The following SLC39A11 variants were observed in gnomAD, a reference collection of about 807,000 sequenced individuals.
SLC39A11 encodes the protein solute carrier family 39 member 11, also known as zinc transporter ZIP11.
SLC39A11 carries 33 observed loss-of-function variants against 36.1 expected under a neutral mutation model. That is an observed-to-expected ratio of 0.91 (90% CI 0.69 to 1.22). The LOEUF is 1.22. SLC39A11 is among the 50% of genes most tolerant of loss of function. The pLI, the probability that SLC39A11 is intolerant of heterozygous loss-of-function variation, is 0.00. For missense variants in SLC39A11, 432 were observed against 430.3 expected (o/e 1.00, Z -0.03); for synonymous variants, 166 against 170.3 (o/e 0.97, Z 0.20).
At chr17:72,670,212 C>CACACACAT (rs1300718493) in intron 7 of SLC39A11, among the ~76,000 whole-genome samples, 1 of 125,214 alleles carries the variant, frequency 8.0e-6, no homozygotes, top group South Asian at 2.9e-4. Context: ...CACACACACA[C>CACACACAT]ATATATATAT....
intron 6 of SLC39A11, among the ~76,000 whole-genome samples, chr17:72,762,324 G>A (rs1393145393): frequency 1.3e-5 from 2 of 152,196 alleles, no homozygotes; most frequent in Non-Finnish European, 2.9e-5. Context: ...CGTCCTCACT[G>A]CTTATTATAT....
At chr17:72,800,468 G>A (rs945440710) in intron 6 of SLC39A11, among the ~76,000 whole-genome samples, 8 of 151,804 alleles carry the variant, frequency 5.3e-5, no homozygotes, top group African/African-American at 1.7e-4. Flanking sequence ...ACACCACCAC[G>A]CCCAGCTAAT....
At chr17:72,799,670 T>C (rs373286541) in intron 6 of SLC39A11, among the ~76,000 whole-genome samples, 9 of 152,212 alleles carry the variant, frequency 5.9e-5, no homozygotes, top group African/African-American at 2.2e-4. Flanking sequence ...CCCTCAGGCT[T>C]ACTAGGGTGG....
At chr17:72,776,450 GTTAT>G (rs1467911436) in intron 6 of SLC39A11, among the ~76,000 whole-genome samples, 1 of 151,944 alleles carries the variant, frequency 6.6e-6, no homozygotes, top group African/African-American at 2.4e-5. Context: ...ACTTATCTGT[GTTAT>G]TTTAGTTTTG....
chr17:73,037,079 C>G (rs892242978), intron 3 of SLC39A11, among the ~76,000 whole-genome samples: 1 of 152,180 alleles, frequency 6.6e-6, no homozygotes, highest in Non-Finnish European at 1.5e-5. Flanking sequence ...CCTTTTAGCA[C>G]TGGATAATAT....
intron 7 of SLC39A11, among the ~76,000 whole-genome samples, chr17:72,707,165 T>C (rs974292268): frequency 4.6e-5 from 7 of 152,164 alleles, no homozygotes; most frequent in African/African-American, 1.7e-4. Flanking sequence ...TTTGGGAGGC[T>C]GAAGCAGGAG....
rs113260397 is a variant in SLC39A11, at chr17:72,812,780, C to T, written c.601+36854G>A. Among the ~76,000 whole-genome samples, 1,339 of 152,282 alleles carry T rather than the reference C, an allele frequency of 8.8e-3. 16 individuals carry two copies. The highest frequency in any genetic ancestry group is 0.031 in the African/African-American group (1,273 of 41,556). On this transcript the variant is annotated intron_variant, in intron 6 of 9. Transcript: ENST00000255559. ...AGCAAGTTCGTTCTTGTAACTCCCT[C>T]TTGTGTATAAATATCTCGATGTCAT...
intron 7 of SLC39A11, among the ~76,000 whole-genome samples, chr17:72,673,475 T>A (rs1199366427): frequency 1.3e-5 from 2 of 152,198 alleles, no homozygotes; most frequent in Non-Finnish European, 2.9e-5. Context: ...ATCTTATTTA[T>A]TTAATCATAG....
intron 6 of SLC39A11, among the ~76,000 whole-genome samples, chr17:72,845,176 C>A (rs1444849540): frequency 1.3e-5 from 2 of 152,238 alleles, no homozygotes; most frequent in Non-Finnish European, 2.9e-5. Context: ...GAGAAACAAA[C>A]TTTCAAAGCT....
rs572350019 is a variant in SLC39A11, at chr17:72,978,897, G to A, written c.307-31022C>T. ...GCCTTCAGCCCTGGGATACAAAGAA[G>A]GATGAGGTCTGGGTCTTGCTTTCAA... On this transcript the variant is annotated intron_variant, in intron 4 of 9. Transcript: ENST00000255559. Among the ~76,000 whole-genome samples, 30 of 152,294 alleles carry A rather than the reference G, an allele frequency of 2.0e-4. No individual in the cohort carries two copies. The East Asian group carries it at 5.2e-3, about 26-fold the overall frequency.
At chr17:72,817,151 C>A (rs936200513) in intron 6 of SLC39A11, among the ~76,000 whole-genome samples, 3 of 151,976 alleles carry the variant, frequency 2.0e-5, no homozygotes, top group African/African-American at 7.2e-5. Context: ...ATTTATTTGG[C>A]CAATGGTTCT....
chr17:72,851,882 A>T (rs973074678), intron 5 of SLC39A11, among the ~76,000 whole-genome samples: 8 of 152,156 alleles, frequency 5.3e-5, no homozygotes, highest in Non-Finnish European at 1.5e-5. Flanking sequence ...AAATTTAAAA[A>T]CATTAGAAGA....
At chr17:72,817,069 T>C (rs2077606287) in intron 6 of SLC39A11, among the ~76,000 whole-genome samples, 1 of 150,304 alleles carries the variant, frequency 6.7e-6, no homozygotes, top group South Asian at 2.1e-4. Flanking sequence ...TAAGAACAGG[T>C]TGTGTCTCAG....
intron 7 of SLC39A11, chr17:72,712,763 C>A (rs1010714176): frequency 1.3e-5 from 2 of 152,250 alleles, no homozygotes; most frequent in South Asian, 4.1e-4. Flanking sequence ...TTTTACTAGA[C>A]AACAGAGTGA....
At chr17:72,969,610 TTCTCTCTC>T (rs3037588) in intron 4 of SLC39A11, among the ~76,000 whole-genome samples, 126,655 of 151,074 alleles carry the variant, frequency 0.84, 54,410 homozygotes, top group South Asian at 0.94. Flanking sequence ...TTCCCCATCT[TTCTCTCTC>T]TCTCTCTCAC....
At chr17:72,868,547 T>A (rs1840473636) in intron 5 of SLC39A11, among the ~76,000 whole-genome samples, 1 of 129,128 alleles carries the variant, frequency 7.7e-6, no homozygotes, top group Non-Finnish European at 1.5e-5. Flanking sequence ...TTTGAGAGGC[T>A]AAGTCAGGAG....
At chr17:72,649,614 G>A (rs1328312188) in intron 7 of SLC39A11, among the ~76,000 whole-genome samples, 3 of 151,404 alleles carry the variant, frequency 2.0e-5, no homozygotes, top group Non-Finnish European at 2.9e-5. Context: ...TACTTTCTAC[G>A]CCTCTGTTTC....
At chr17:72,736,563 G>A in intron 7 of SLC39A11, 87 bp downstream of exon 7, 1 of 1,152,168 alleles carries the variant, frequency 8.7e-7, no homozygotes. Flanking sequence ...GAACAATAAT[G>A]CACAGACAGC....
intron 7 of SLC39A11, among the ~76,000 whole-genome samples, chr17:72,649,634 TTTTC>T (rs369599037): frequency 2.1e-3 from 281 of 133,288 alleles, no homozygotes; most frequent in African/African-American, 7.9e-3. Flanking sequence ...CTTTTTCTTT[TTTTC>T]TTTTTCTTTT....
Sources: gnomAD v4.1 joint callset for allele counts (sites outside exome capture counted in the v4.1 genomes callset) on GRCh38, gnomAD v4.1.1 for gene constraint, MANE v1.5 for transcripts, NCBI Gene and HGNC (gene_info 2026-07-23, HGNC 2026-07-21) for gene names.